PNPLA6: variants seen among roughly 807,000 people sequenced by gnomAD.
PNPLA6 encodes the protein patatin-like phospholipase domain-containing protein 6.
A neutral mutation model predicts 153.7 loss-of-function variants in PNPLA6; 105 were observed. The observed-to-expected ratio is 0.68, with a 90% CI of 0.58 to 0.80. The LOEUF is 0.80. PNPLA6 is among the 30% of genes least tolerant of loss of function. The pLI is 0.00. For missense variants in PNPLA6, 1,423 were observed against 1,919.3 expected (o/e 0.74, Z 4.83); for synonymous variants, 825 against 822.2 (o/e 1.00, Z -0.06).
upstream of PNPLA6, chr19:7,535,339 T>C (rs2022798734): frequency 1.5e-6 from 1 of 647,592 alleles, no homozygotes; most frequent in East Asian, 2.7e-5. This position sits in a 1 kb window ranked among gnomAD's most constrained non-coding sequence, Gnocchi z 5.0. Flanking sequence ...GTCGGTTTGC[T>C]CCATCCCTTA....
chr19:7,557,027 C>T (rs565856110), intron 26 of PNPLA6, 141 bp from the exon 27 acceptor site: 15 of 807,306 alleles, frequency 1.9e-5, no homozygotes, highest in Middle Eastern at 3.2e-4. Context: ...CCCCACTGTG[C>T]GACCCCAAGG....
At chr19:7,554,415 G>A (rs568949597) in intron 20 of PNPLA6, 140 bp from the exon 21 acceptor site, 2 of 1,245,494 alleles carry the variant, frequency 1.6e-6, no homozygotes, top group East Asian at 2.3e-5. Context: ...GCAGTGGTGT[G>A]AATCTGCCCA....
Position 7,540,828 on chromosome 19 carries a change from C to T in PNPLA6, c.796-95C>T. The T allele has an allele frequency of 6.4e-7, 1 of 1,571,086 alleles. No individual in the cohort carries two copies. The highest frequency in any genetic ancestry group is 8.8e-7 in the Non-Finnish European group (1 of 1,141,524). On this transcript the variant is annotated intron_variant, in intron 6 of 31. Coordinates refer to ENST00000600737, the MANE Select transcript of PNPLA6 (RefSeq NM_001166114.2). This position sits in a 1 kb window ranked among gnomAD's most constrained non-coding sequence, Gnocchi z 6.8. ...GTTCATCCGTTATGCTGCCGATGGC[C>T]CCTCACGGGACTGGCGCCAGGAAGG...
intron 3 of PNPLA6, among the ~76,000 whole-genome samples, chr19:7,538,948 T>C (rs2022997627): frequency 6.6e-6 from 1 of 152,242 alleles, no homozygotes; most frequent in African/African-American, 2.4e-5. Flanking sequence ...GTCAGGGGTC[T>C]GCCTTCCTAA....
At chr19:7,538,448 G>A (rs139377667) in intron 3 of PNPLA6, among the ~76,000 whole-genome samples, 1 of 152,166 alleles carries the variant, frequency 6.6e-6, no homozygotes, top group Admixed American at 6.5e-5. Context: ...CTCCCAAAGT[G>A]CTGGTATTAC....
intron 19 of PNPLA6, 71 bp downstream of exon 19, chr19:7,554,086 T>C: frequency 6.3e-7 from 1 of 1,597,774 alleles, no homozygotes; most frequent in Non-Finnish European, 8.6e-7. Context: ...GATGTTAGGG[T>C]AGGTCATTTG....
chr19:7,535,563 C>G (rs1002975344), upstream of PNPLA6: 3 of 1,604,908 alleles, frequency 1.9e-6, no homozygotes, highest in Admixed American at 3.4e-5. The surrounding 1 kb of genome is among the most constrained non-coding windows in gnomAD (Gnocchi z 5.0). Context: ...GGAGGCTCCG[C>G]TGCAAACTGG....
Position 7,555,868 on chromosome 19 carries a change from T to A in PNPLA6, c.3093+105T>A. ...GGAGCCTCCGGGGTCAGGGTGACCCTTCCTGATTAAATCTATGATCCCCAG... is the reference window on the plus strand; with the variant it reads ...GGAGCCTCCGGGGTCAGGGTGACCCATCCTGATTAAATCTATGATCCCCAG... On this transcript the variant is annotated intron_variant, in intron 24 of 31. Coordinates refer to ENST00000600737, the MANE Select transcript of PNPLA6 (RefSeq NM_001166114.2). The surrounding 1 kb of genome is among the most constrained non-coding windows in gnomAD (Gnocchi z 6.3). The A allele has an allele frequency of 8.3e-7, 1 of 1,206,070 alleles. No individual in the cohort carries two copies. Among genetic ancestry groups the A allele is most frequent in the Non-Finnish European group, 1.2e-6 (1 of 830,724 alleles). The allele number at this position is 1,206,070 out of a possible 1,614,324, so 74.7% of individuals were successfully genotyped here.
intron 18 of PNPLA6, among the ~76,000 whole-genome samples, chr19:7,551,909 C>A (rs1425409904): frequency 6.6e-6 from 1 of 151,820 alleles, no homozygotes; most frequent in Non-Finnish European, 1.5e-5. Flanking sequence ...AGTTTGAAAC[C>A]AGCCTGGGCA....
intron 31 of PNPLA6, 62 bp downstream of exon 31, chr19:7,561,379 G>A (rs1012728350): frequency 4.6e-5 from 66 of 1,445,966 alleles, no homozygotes; most frequent in Non-Finnish European, 6.1e-5. Context: ...ACAGTGTCAG[G>A]CAGGGGAGCC....
At chr19:7,545,034 T>C (rs995001424) in intron 13 of PNPLA6, among the ~76,000 whole-genome samples, 1 of 151,962 alleles carries the variant, frequency 6.6e-6, no homozygotes. Context: ...TGAAACTTTT[T>C]TTTTTTTTCG....
chr19:7,555,711 C>T lies in PNPLA6; in HGVS notation c.3041C>T (p.Ala1014Val), dbSNP rs761558516. 1.9e-6 allele frequency: 3 copies of T among 1,613,662 alleles called. No homozygotes were observed. The highest frequency in any genetic ancestry group is 3.3e-5 in the Admixed American group (2 of 59,982). ...GGCTCTTTCATCGGAGCGTTGTACGCGGAGGAGCGCAGCGCCAGCCGCACG... is the reference window on the plus strand; with the variant it reads ...GGCTCTTTCATCGGAGCGTTGTACGTGGAGGAGCGCAGCGCCAGCCGCACG... ...SIGSFIGALYAEERSASRTKQ... is the reference protein window; with the variant it reads ...SIGSFIGALYVEERSASRTKQ... The change falls in exon 24 of 32, where the codon GCG becomes GTG. Residue 1014 changes from alanine (A) to valine (V), a missense_variant. Ala to Val is a moderately conservative substitution (Grantham distance 64, BLOSUM62 0). Transcript: ENST00000600737. This position sits in a 1 kb window ranked among gnomAD's most constrained non-coding sequence, Gnocchi z 6.3.
chr19:7,537,019 T>G (rs145346181), intron 3 of PNPLA6, among the ~76,000 whole-genome samples: 59 of 151,526 alleles, frequency 3.9e-4, no homozygotes, highest in African/African-American at 1.3e-3. Flanking sequence ...CTCAGAGCTC[T>G]TCCACACCAG....
chr19:7,555,203 AC>A lies in PNPLA6; in HGVS notation c.2818-42del. The A allele has an allele frequency of 6.5e-7, 1 of 1,536,572 alleles. No homozygotes were observed. The highest frequency in any genetic ancestry group is 1.2e-5 in the South Asian group (1 of 85,922). On this transcript the variant is annotated intron_variant, in intron 22 of 31. Coordinates refer to ENST00000600737, the MANE Select transcript of PNPLA6 (RefSeq NM_001166114.2). The surrounding 1 kb of genome is among the most constrained non-coding windows in gnomAD (Gnocchi z 6.3). Reference sequence around the variant, plus strand: ...AGGGTACCCCTGGGGGATCCGCCGGACCCCGCCCTCATGCTCCTGGGTCGCG... The same window carrying A: ...AGGGTACCCCTGGGGGATCCGCCGGACCCGCCCTCATGCTCCTGGGTCGCG...
At chr19:7,550,663 G>T (rs977803671) in intron 16 of PNPLA6, 23 bp downstream of exon 16, 1 of 1,608,806 alleles carries the variant, frequency 6.2e-7, no homozygotes, top group South Asian at 1.1e-5. Context: ...CCCACCCACT[G>T]ACCTCTGGCC....
At chr19:7,539,882 C>A (rs1288675209) in intron 3 of PNPLA6, 36 bp from the exon 4 acceptor site, 4 of 1,371,818 alleles carry the variant, frequency 2.9e-6, no homozygotes, top group East Asian at 2.5e-5. Flanking sequence ...CTTCTCCGTG[C>A]CCCCCTCACC....
chr19:7,547,342 G>A (rs547998516), intron 13 of PNPLA6, among the ~76,000 whole-genome samples: 20 of 152,278 alleles, frequency 1.3e-4, no homozygotes, highest in Middle Eastern at 3.4e-3. Flanking sequence ...CTAACCCTTT[G>A]TAATTCTAGC....
In PNPLA6 at chr19:7,558,891, A is replaced by G. The variant is rs754198302; in HGVS notation, c.3439A>G (p.Ile1147Val). Residue 1147 changes from isoleucine to valine, a missense_variant, in exon 28 of 32, where the codon ATT becomes GTT. Around this residue, in one of 10 missense-constraint regions of PNPLA6, gnomAD observed 643 missense variants for 835.2 expected, o/e 0.77. Coordinates refer to ENST00000600737, the MANE Select transcript of PNPLA6 (RefSeq NM_001166114.2). ...CATGGGTGCCAAAACGGTCATCGCC[A>G]TTGACGTGGGGAGCCAGGATGAGAC... ...RSMGAKTVIA[I>V]DVGSQDETDL... 4.3e-6 allele frequency: 7 copies of G among 1,613,640 alleles called. No homozygotes were observed. In the East Asian group the frequency reaches 6.7e-5, roughly 15 times the overall value.
rs764466092 is a variant in PNPLA6 at position 7,561,490 on chromosome 19, G to A, written c.4026G>A (p.Glu1342=). ...GTGTGTGTGACCTTCCCTCGCAGGAGGAGGAGAAGTCGATTCTCCGGCAAC... is the reference window on the plus strand; with the variant it reads ...GTGTGTGTGACCTTCCCTCGCAGGAAGAGGAGAAGTCGATTCTCCGGCAAC... ...GASPSTASEM[E]EEKSILRQRR... Residue 1342 remains glutamate, a splice_region_variant and synonymous_variant, in exon 32 of 32, where the codon GAG becomes GAA. Transcript: ENST00000600737. 2 of 1,606,432 alleles carry A rather than the reference G, an allele frequency of 1.2e-6. No homozygotes were observed. Among genetic ancestry groups the A allele is most frequent in the Non-Finnish European group, 1.7e-6 (2 of 1,176,956 alleles).
Sources: gnomAD v4.1 joint callset for allele counts (sites outside exome capture counted in the v4.1 genomes callset) on GRCh38, gnomAD v4.1.1 for gene constraint, gnomAD v4.1.1 regional missense constraint, Gnocchi (gnomAD v3.1) non-coding constraint, MANE v1.5 for transcripts, NCBI Gene and HGNC (gene_info 2026-07-23, HGNC 2026-07-21) for gene names.